SH3PXD2A: variants seen among roughly 807,000 people sequenced by gnomAD.
SH3PXD2A encodes SH3 and PX domain-containing protein 2A.
A neutral mutation model predicts 115.2 loss-of-function variants in SH3PXD2A; 32 were observed. The observed-to-expected ratio is 0.28, with a 90% CI of 0.21 to 0.37. The LOEUF (loss-of-function observed/expected upper bound fraction) is 0.37. Among genes scored for constraint, SH3PXD2A ranks in the 10% least tolerant of loss-of-function variants. The pLI is 1.00. For missense variants in SH3PXD2A, 1,328 were observed against 1,498.7 expected (o/e 0.89, Z 1.88); for synonymous variants, 610 against 629.1 (o/e 0.97, Z 0.45).
chr10:103,769,189 C>CGT (rs2038792796), intron 2 of SH3PXD2A, among the ~76,000 whole-genome samples: 2 of 148,528 alleles, frequency 1.3e-5, no homozygotes, highest in South Asian at 2.1e-4. Flanking sequence ...TGTGCGCGCG[C>CGT]GCGCGCATTT....
intron 8 of SH3PXD2A, among the ~76,000 whole-genome samples, chr10:103,653,938 C>T (rs927223530): frequency 3.3e-5 from 5 of 151,742 alleles, no homozygotes; most frequent in Admixed American, 1.3e-4. Flanking sequence ...GCCCAGCTCC[C>T]GCTTTTCTTC....
rs1288697872 is a variant in SH3PXD2A at position 103,602,757 on chromosome 10, C to T, written c.2461G>A (p.Asp821Asn). The T allele has an allele frequency of 6.8e-6, 11 of 1,614,050 alleles. No individual in the cohort carries two copies. The highest frequency in any genetic ancestry group is 5.0e-5 in the Admixed American group (3 of 60,030). ...PSEGSRRSSSDLITLPATTPP... is the reference protein window; with the variant it reads ...PSEGSRRSSSNLITLPATTPP... ...GTGGTGGCTGGGAGGGTGATGAGGT[C>T]GGATGAGCTTCTCCTAGACCCCTCA... Residue 821 changes from aspartate (D) to asparagine (N), a missense_variant, in exon 15 of 15, where the codon GAC becomes AAC. Physicochemically the swap from Asp to Asn is conservative, Grantham distance 23. Transcript: ENST00000369774.
intron 1 of SH3PXD2A, among the ~76,000 whole-genome samples, chr10:103,802,552 C>T (rs1383291433): frequency 6.6e-6 from 1 of 152,210 alleles, no homozygotes; most frequent in African/African-American, 2.4e-5. Flanking sequence ...CTGGCCTGCT[C>T]TTCCCACTAT....
At chr10:103,834,861 A>G (rs2039515538) in intron 1 of SH3PXD2A, among the ~76,000 whole-genome samples, 1 of 152,228 alleles carries the variant, frequency 6.6e-6, no homozygotes, top group Non-Finnish European at 1.5e-5. Flanking sequence ...TGTAACCACT[A>G]TGTGGGCCGC....
chr10:103,627,251 C>G lies in SH3PXD2A; in HGVS notation c.605-49G>C. On this transcript the variant is annotated intron_variant, in intron 8 of 14. Coordinates refer to ENST00000369774, the MANE Select transcript of SH3PXD2A (RefSeq NM_001394015.1). This position sits in a 1 kb window ranked among gnomAD's most constrained non-coding sequence, Gnocchi z 4.4. ...AGGACTGTGAGATTCTGCAGGGTGG[C>G]AGGGGTGGCTCGGGGGCCAGGACAA... 8.6e-7 allele frequency: 1 copy of G among 1,165,244 alleles called. No homozygotes were observed. 72.2% of individuals were successfully genotyped at this position (1,165,244 alleles called of 1,614,324 possible).
intron 2 of SH3PXD2A, among the ~76,000 whole-genome samples, chr10:103,779,717 G>T (rs934587373): frequency 6.6e-6 from 1 of 152,146 alleles, no homozygotes; most frequent in Admixed American, 6.5e-5. Context: ...CCAGCCCAGG[G>T]CGCCGGTGGT....
chr10:103,784,829 T>C lies in SH3PXD2A; in HGVS notation c.153+16453A>G, dbSNP rs2038966065. Among the ~76,000 whole-genome samples, 1 of 151,936 alleles carries C rather than the reference T, an allele frequency of 6.6e-6. No individual in the cohort carries two copies. Among genetic ancestry groups the C allele is most frequent in the African/African-American group, 2.4e-5 (1 of 41,342 alleles). On this transcript the variant is annotated intron_variant, in intron 2 of 14. Coordinates refer to ENST00000369774, the MANE Select transcript of SH3PXD2A (RefSeq NM_001394015.1). The surrounding 1 kb of genome is among the most constrained non-coding windows in gnomAD (Gnocchi z 4.4). Reference sequence around the variant, plus strand: ...GGGAGGATGTGGGGAGGGGTCCAGATGGCAGCTGGGTTTGGAACACACTGA... The same window carrying C: ...GGGAGGATGTGGGGAGGGGTCCAGACGGCAGCTGGGTTTGGAACACACTGA...
chr10:103,663,436 C>A (rs894741405), intron 7 of SH3PXD2A, among the ~76,000 whole-genome samples: 3 of 152,244 alleles, frequency 2.0e-5, no homozygotes, highest in African/African-American at 7.2e-5. Context: ...CAGGCCCAAG[C>A]CCATCTGTCT....
At chr10:103,711,547 C>T (rs1027363529) in intron 5 of SH3PXD2A, among the ~76,000 whole-genome samples, 1 of 152,142 alleles carries the variant, frequency 6.6e-6, no homozygotes, top group African/African-American at 2.4e-5. Context: ...AGAGCTGCAC[C>T]GGGAGGGCCA....
chr10:103,832,838 A>C (rs897559673), intron 1 of SH3PXD2A, among the ~76,000 whole-genome samples: 1 of 152,160 alleles, frequency 6.6e-6, no homozygotes, highest in Non-Finnish European at 1.5e-5. Context: ...ACATGTATAC[A>C]TGTGTAACAA....
intron 1 of SH3PXD2A, among the ~76,000 whole-genome samples, chr10:103,838,137 C>T (rs1397370569): frequency 6.6e-6 from 1 of 152,188 alleles, no homozygotes; most frequent in Non-Finnish European, 1.5e-5. Context: ...CGCCCTTCCT[C>T]TAGAACATGC....
intron 1 of SH3PXD2A, among the ~76,000 whole-genome samples, chr10:103,813,415 C>T (rs1275887238): frequency 1.3e-5 from 2 of 152,142 alleles, no homozygotes; most frequent in Admixed American, 1.3e-4. Flanking sequence ...CTCCTGGGCT[C>T]AAGAAGTCCT....
At chr10:103,673,909 G>A (rs1158782722) in intron 6 of SH3PXD2A, among the ~76,000 whole-genome samples, 1 of 152,206 alleles carries the variant, frequency 6.6e-6, no homozygotes, top group East Asian at 1.9e-4. Flanking sequence ...GCTCTGGGGA[G>A]GGGAGGGGTG....
intron 3 of SH3PXD2A, chr10:103,736,789 G>C: frequency 7.8e-7 from 1 of 1,289,250 alleles, no homozygotes; most frequent in Non-Finnish European, 1.0e-6. Context: ...ACCTGTAGCT[G>C]TAACGGGCAT....
intron 3 of SH3PXD2A, among the ~76,000 whole-genome samples, chr10:103,765,769 C>G (rs2038747703): frequency 6.6e-6 from 1 of 152,226 alleles, no homozygotes; most frequent in African/African-American, 2.4e-5. Flanking sequence ...ACCGGAGCAC[C>G]ATCTAAGGTT....
chr10:103,653,208 T>A (rs2037156739), intron 8 of SH3PXD2A, among the ~76,000 whole-genome samples: 1 of 152,256 alleles, frequency 6.6e-6, no homozygotes, highest in East Asian at 1.9e-4. Context: ...CTCTGTCACT[T>A]CTGGATCCCA....
chr10:103,844,729 C>T (rs1842823519), intron 1 of SH3PXD2A, among the ~76,000 whole-genome samples: 2 of 152,188 alleles, frequency 1.3e-5, no homozygotes, highest in South Asian at 2.1e-4. Context: ...GCTACCTGCA[C>T]TCTCCAAACC....
At chr10:103,603,877 G>C in intron 14 of SH3PXD2A, 88 bp from the exon 15 acceptor site, 1 of 1,373,846 alleles carries the variant, frequency 7.3e-7, no homozygotes. Context: ...CTTTGGCTCT[G>C]GGATAAATTA....
At chr10:103,647,646 C>T (rs565796157) in intron 8 of SH3PXD2A, among the ~76,000 whole-genome samples, 45 of 152,306 alleles carry the variant, frequency 3.0e-4, no homozygotes, top group Admixed American at 1.2e-3. Flanking sequence ...AGGGAGCCAG[C>T]GAGACAGGAA....
Sources: gnomAD v4.1 joint callset for allele counts (sites outside exome capture counted in the v4.1 genomes callset) on GRCh38, gnomAD v4.1.1 for gene constraint, Gnocchi (gnomAD v3.1) non-coding constraint, MANE v1.5 for transcripts, NCBI Gene and HGNC (gene_info 2026-07-23, HGNC 2026-07-21) for gene names.